The following KCTD1 variants were observed in gnomAD, a reference collection of about 807,000 sequenced individuals.
KCTD1 encodes potassium channel tetramerization domain containing 1, also known as BTB/POZ domain-containing protein KCTD1.
In KCTD1, 24 loss-of-function variants were observed where a neutral mutation model predicts 66.0. That is an observed-to-expected ratio of 0.36 (90% CI 0.26 to 0.51). The LOEUF (loss-of-function observed/expected upper bound fraction) is 0.51. Ranked by LOEUF, KCTD1 falls within the 20% of genes least tolerant of loss-of-function variation. The pLI, the probability that KCTD1 is intolerant of heterozygous loss-of-function variation, is 0.95. For missense variants in KCTD1, 943 were observed against 1,205.2 expected (o/e 0.78, Z 3.22); for synonymous variants, 511 against 517.2 (o/e 0.99, Z 0.16).
At chr18:26,465,775 G>A (rs1239002980) in intron 3 of KCTD1, among the ~76,000 whole-genome samples, 1 of 152,196 alleles carries the variant, frequency 6.6e-6, no homozygotes, top group Non-Finnish European at 1.5e-5. Flanking sequence ...TGTCTAGGGC[G>A]TGCTGAGGGA....
Position 26,628,660 on chromosome 18 carries a change from A to T in KCTD1, c.-16+487T>A, listed in dbSNP as rs560112151. 6.6e-5 allele frequency among the ~76,000 whole-genome samples: 10 copies of T among 152,254 alleles called. No individual in the cohort carries two copies. The South Asian group carries it at 2.1e-3, about 32-fold the overall frequency. On this transcript the variant is annotated intron_variant, in intron 1 of 4. Coordinates refer to the KCTD1 transcript ENST00000317932. ...TTCTTGTGTTTTAAAAATAGCCTAAATTAAACCTTACTCAACTTTCTACAA... is the reference window on the plus strand; with the variant it reads ...TTCTTGTGTTTTAAAAATAGCCTAATTTAAACCTTACTCAACTTTCTACAA...
chr18:26,593,071 T>C (rs992058160), intron 1 of KCTD1, among the ~76,000 whole-genome samples: 4 of 152,196 alleles, frequency 2.6e-5, no homozygotes, highest in Non-Finnish European at 5.9e-5. Context: ...GTCTCTCCAG[T>C]CTCTCGTCCC....
intron 1 of KCTD1, among the ~76,000 whole-genome samples, chr18:26,526,467 G>T (rs1598918181): frequency 6.6e-6 from 1 of 152,194 alleles, no homozygotes; most frequent in South Asian, 2.1e-4. Flanking sequence ...CTTCTAAATA[G>T]TCCTACATGT....
chr18:26,599,610 C>T (rs1481263506), intron 1 of KCTD1: 35 of 1,478,254 alleles, frequency 2.4e-5, no homozygotes, highest in Admixed American at 6.7e-5. Context: ...GGTTTAGTCC[C>T]GGGAAGCACC....
intron 1 of KCTD1, among the ~76,000 whole-genome samples, chr18:26,560,952 G>T (rs1033427382): frequency 6.6e-6 from 1 of 152,134 alleles, no homozygotes; most frequent in Admixed American, 6.5e-5. Flanking sequence ...TATGTACAAG[G>T]GTGCTCTTGA....
At chr18:26,652,182 T>C (rs548047493) in intron 1 of KCTD1, among the ~76,000 whole-genome samples, 1 of 152,294 alleles carries the variant, frequency 6.6e-6, no homozygotes, top group East Asian at 1.9e-4. Flanking sequence ...TATATGCACT[T>C]CAGTTGGACA....
chr18:26,490,677 A>G (rs1441589230), intron 2 of KCTD1, among the ~76,000 whole-genome samples: 1 of 152,166 alleles, frequency 6.6e-6, no homozygotes, highest in Non-Finnish European at 1.5e-5. Context: ...AATATTTATC[A>G]AGTGTTTGCT....
chr18:26,616,703 T>C (rs1167451616), intron 1 of KCTD1, among the ~76,000 whole-genome samples: 1 of 149,232 alleles, frequency 6.7e-6, no homozygotes, highest in Non-Finnish European at 1.5e-5. Context: ...AAAAAAAAAT[T>C]TGTAGAGACC....
At chr18:26,524,249 C>T (rs548240438) in intron 1 of KCTD1, among the ~76,000 whole-genome samples, 78 of 152,274 alleles carry the variant, frequency 5.1e-4, no homozygotes, top group African/African-American at 1.8e-3. Context: ...TCCACCCTTA[C>T]TTATGGGCCA....
chr18:26,508,797 A>G (rs1217082906), intron 1 of KCTD1, among the ~76,000 whole-genome samples: 1 of 152,066 alleles, frequency 6.6e-6, no homozygotes, highest in Non-Finnish European at 1.5e-5. Flanking sequence ...GTTCTGATTA[A>G]TTCTGATAGT....
upstream of KCTD1, among the ~76,000 whole-genome samples, chr18:26,632,792 G>A (rs1020637208): frequency 1.3e-5 from 2 of 151,994 alleles, no homozygotes; most frequent in Non-Finnish European, 2.9e-5. Flanking sequence ...CTTAGTAAAG[G>A]TCTCAAAACA....
chr18:26,578,632 A>G (rs1986284260), intron 1 of KCTD1, among the ~76,000 whole-genome samples: 1 of 152,166 alleles, frequency 6.6e-6, no homozygotes, highest in Non-Finnish European at 1.5e-5. Flanking sequence ...CTGGGCTCTA[A>G]CCCATGGGAA....
At chr18:26,626,179 CT>C (rs1378380128) in intron 1 of KCTD1, among the ~76,000 whole-genome samples, 3 of 151,260 alleles carry the variant, frequency 2.0e-5, no homozygotes, top group Non-Finnish European at 4.4e-5. Flanking sequence ...AAAAAAAAAC[CT>C]TTTATTGTTG....
At position 26,548,477 on chromosome 18, in the gene KCTD1, AGCGCTGGCGCTGCCGCCC is replaced by A. The variant is rs1985385798; in HGVS notation, c.42_59del (p.Gly15_Ala20del). On this transcript the variant is annotated inframe_deletion, in exon 1 of 5. Transcript: ENST00000580059. ...CATTGTTCTCGGCGGCGGCGGCGGC[AGCGCTGGCGCTGCCGCCC>A]GCGCTGGTGTTACAGTCCCCGCTGC... 8 of 1,213,778 alleles carry A rather than the reference AGCGCTGGCGCTGCCGCCC, an allele frequency of 6.6e-6. No individual in the cohort carries two copies. The highest frequency in any genetic ancestry group is 3.8e-5 in the South Asian group (1 of 26,128). The allele number at this position is 1,213,778 out of a possible 1,614,324, so 75.2% of individuals were successfully genotyped here. A position where few individuals can be genotyped will look rare whatever the true frequency, so the allele number is the denominator to read the frequency against.
intron 2 of KCTD1, among the ~76,000 whole-genome samples, chr18:26,489,795 T>A (rs910423240): frequency 2.6e-5 from 4 of 152,166 alleles, no homozygotes; most frequent in Non-Finnish European, 5.9e-5. Context: ...ACATCTAAAA[T>A]TTTAAACCCC....
chr18:26,592,274 T>C (rs1986626736), intron 1 of KCTD1, among the ~76,000 whole-genome samples: 1 of 152,234 alleles, frequency 6.6e-6, no homozygotes, highest in Admixed American at 6.5e-5. Flanking sequence ...ATAATTTAAA[T>C]AATCTTTCAA....
At chr18:26,569,576 G>T (rs533767712) in intron 1 of KCTD1, among the ~76,000 whole-genome samples, 5 of 152,096 alleles carry the variant, frequency 3.3e-5, no homozygotes, top group Middle Eastern at 3.2e-3. Context: ...TCAGGCAGGT[G>T]GGGGGTGGGG....
intron 4 of KCTD1, chr18:26,456,952 C>T (rs965302792): frequency 6.6e-6 from 1 of 150,864 alleles, no homozygotes; most frequent in South Asian, 2.1e-4. Flanking sequence ...ACAAAAAAAC[C>T]CACCTCAAAA....
chr18:26,580,751 A>G (rs777999979), intron 1 of KCTD1, among the ~76,000 whole-genome samples: 4 of 152,186 alleles, frequency 2.6e-5, no homozygotes, highest in Non-Finnish European at 5.9e-5. Flanking sequence ...CTAAGGATGT[A>G]TTATATTTTA....
Sources: allele counts gnomAD v4.1 joint callset (sites outside exome capture counted in the v4.1 genomes callset), GRCh38; gene constraint gnomAD v4.1.1; transcripts MANE v1.5; gene names NCBI Gene and HGNC (gene_info 2026-07-23, HGNC 2026-07-21).